CHD7: variants seen among roughly 807,000 people sequenced by gnomAD.
CHD7 encodes chromodomain helicase DNA binding protein 7, also known as ATP-dependent chromatin remodeler CHD7.
A neutral mutation model predicts 307.3 loss-of-function variants in CHD7; 24 were observed. That is an observed-to-expected ratio of 0.08 (90% CI 0.06 to 0.11). The LOEUF (loss-of-function observed/expected upper bound fraction) is 0.11. Ranked by LOEUF, CHD7 falls within the 10% of genes least tolerant of loss-of-function variation. The pLI is 1.00. For synonymous variants in CHD7, 1,363 were observed against 1,349.9 expected (o/e 1.01, Z -0.21); for missense variants, 3,106 against 3,727.1 (o/e 0.83, Z 4.34).
intron 1 of CHD7, among the ~76,000 whole-genome samples, chr8:60,722,115 C>T (rs1807937152): frequency 6.6e-6 from 1 of 152,172 alleles, no homozygotes; most frequent in Non-Finnish European, 1.5e-5. Context: ...TTGCTGGCTG[C>T]TTGGACATTG....
At chr8:60,807,844 A>C (rs989912751) in intron 6 of CHD7, among the ~76,000 whole-genome samples, 3 of 152,278 alleles carry the variant, frequency 2.0e-5, no homozygotes, top group Admixed American at 1.3e-4. Context: ...TATGGCATTC[A>C]GGAGAGCAGT....
chr8:60,759,863 GTCAT>G (rs149275093), intron 2 of CHD7, among the ~76,000 whole-genome samples: 5 of 152,132 alleles, frequency 3.3e-5, no homozygotes, highest in East Asian at 1.9e-4. Flanking sequence ...TCTTATTGAG[GTCAT>G]TCATTCATTC....
At chr8:60,779,901 G>A (rs1240415137) in intron 2 of CHD7, among the ~76,000 whole-genome samples, 1 of 152,122 alleles carries the variant, frequency 6.6e-6, no homozygotes, top group Non-Finnish European at 1.5e-5. Context: ...ATCACCTAAC[G>A]CTTAGGGCTG....
intron 3 of CHD7, among the ~76,000 whole-genome samples, chr8:60,785,781 C>T (rs1811460887): frequency 6.6e-6 from 1 of 151,616 alleles, no homozygotes; most frequent in Admixed American, 6.6e-5. Flanking sequence ...CTGTCAGGTA[C>T]ATGGGTAATA....
At chr8:60,728,909 A>G (rs905695714) in intron 1 of CHD7, among the ~76,000 whole-genome samples, 3 of 152,196 alleles carry the variant, frequency 2.0e-5, no homozygotes, top group Non-Finnish European at 4.4e-5. Flanking sequence ...AGATTATTTC[A>G]TCACCCAGGA....
At chr8:60,745,534 A>G (rs1269173168) in intron 2 of CHD7, among the ~76,000 whole-genome samples, 1 of 152,182 alleles carries the variant, frequency 6.6e-6, no homozygotes, top group African/African-American at 2.4e-5. Flanking sequence ...ATGTGTCATT[A>G]TAGGCAAACT....
chr8:60,730,636 G>A (rs1429807331), intron 1 of CHD7, among the ~76,000 whole-genome samples: 1 of 152,160 alleles, frequency 6.6e-6, no homozygotes, highest in East Asian at 1.9e-4. Flanking sequence ...CGAGGCGGGT[G>A]GATCACGAGG....
At position 60,795,123 on chromosome 8, in the gene CHD7, T is replaced by C; in HGVS notation, c.2234T>C (p.Val745Ala). Residue 745 changes from valine to alanine, a missense_variant, in exon 4 of 38, where the codon GTT (valine) becomes GCT (alanine). This residue lies in a region of CHD7 where 998 missense variants were observed against 1,004.5 expected (regional missense o/e 0.99). Coordinates refer to ENST00000423902, the MANE Select transcript of CHD7 (RefSeq NM_017780.4). ...CCTGAAGAAGATGAGGACCCAGGTG[T>C]TCAGGTAATACAATTATTGTGATTC... The part of the protein sequence containing the change: ...PPPEEDEDPG[V>A]QKRRSSRQVK... 1 of 1,611,960 alleles carries C rather than the reference T, an allele frequency of 6.2e-7. No individual in the cohort carries two copies. Among genetic ancestry groups the C allele is most frequent in the Non-Finnish European group, 8.5e-7 (1 of 1,179,220 alleles).
chr8:60,687,365 G>A (rs757374435), intron 1 of CHD7, among the ~76,000 whole-genome samples: 5 of 152,144 alleles, frequency 3.3e-5, no homozygotes, highest in Non-Finnish European at 5.9e-5. Context: ...AATTATTTAT[G>A]GTTAGAACTG....
Position 60,765,076 on chromosome 8 carries a change from G to A in CHD7, c.1666-15924G>A, listed in dbSNP as rs138491142. On this transcript the variant is annotated intron_variant, in intron 2 of 37. Coordinates refer to ENST00000423902, the MANE Select transcript of CHD7 (RefSeq NM_017780.4). ...AGCAGAGAGCACATGAGCAGCTGCAGTACCCAGACTGAGGAGATGTGACAT... is the reference window on the plus strand; with the variant it reads ...AGCAGAGAGCACATGAGCAGCTGCAATACCCAGACTGAGGAGATGTGACAT... 1.1e-4 allele frequency among the ~76,000 whole-genome samples: 17 copies of A among 152,294 alleles called. No individual in the cohort carries two copies. In the East Asian group the frequency reaches 2.9e-3, roughly 26 times the overall value.
intron 2 of CHD7, among the ~76,000 whole-genome samples, chr8:60,761,176 G>C (rs2150620275): frequency 6.6e-6 from 1 of 151,868 alleles, no homozygotes; most frequent in Non-Finnish European, 1.5e-5. Context: ...AAAATGATGA[G>C]TTCATGTCCT....
At chr8:60,681,599 G>C (rs1445792668) in intron 1 of CHD7, among the ~76,000 whole-genome samples, 1 of 152,180 alleles carries the variant, frequency 6.6e-6, no homozygotes. Context: ...GTAAAGGCTT[G>C]AGCAGCAAAT....
Position 60,862,279 on chromosome 8 carries a change from A to C in CHD7, c.7914A>C (p.Ile2638=), listed in dbSNP as rs1806033383. Residue 2638 remains isoleucine, a synonymous_variant, in exon 36 of 38, where the codon ATA becomes ATC. Transcript: ENST00000423902. ...GTCGAAACCCTAATAAATTGGATAT[A>C]AACACTTTGACAGGAGAAGAAAGGG... ...HRCRNPNKLD[I]NTLTGEERVP... 8 of 1,610,828 alleles carry C rather than the reference A, an allele frequency of 5.0e-6. No homozygotes were observed. The highest frequency in any genetic ancestry group is 6.8e-6 in the Non-Finnish European group (8 of 1,178,772).
chr8:60,818,881 TAATAA>T (rs1803883123), intron 8 of CHD7, among the ~76,000 whole-genome samples: 1 of 152,212 alleles, frequency 6.6e-6, no homozygotes, highest in Non-Finnish European at 1.5e-5. Context: ...GAGGTGCACA[TAATAA>T]AATGTGTCTT....
intron 2 of CHD7, among the ~76,000 whole-genome samples, chr8:60,779,251 C>T (rs912982388): frequency 1.4e-4 from 22 of 152,170 alleles, no homozygotes; most frequent in African/African-American, 4.8e-4. Context: ...ATATAGCTGA[C>T]GGTAGGGCCT....
chr8:60,721,513 G>A (rs553166401), intron 1 of CHD7, among the ~76,000 whole-genome samples: 1 of 152,364 alleles, frequency 6.6e-6, no homozygotes, highest in South Asian at 2.1e-4. Flanking sequence ...GACTGAGATT[G>A]TTGGAGAACC....
chr8:60,757,597 T>A (rs1195970420), intron 2 of CHD7, among the ~76,000 whole-genome samples: 2 of 152,176 alleles, frequency 1.3e-5, no homozygotes, highest in Non-Finnish European at 2.9e-5. Flanking sequence ...GTTTTTATAC[T>A]CCAGGGCAAC....
rs571072047 is a variant in CHD7, at chr8:60,791,512, C to T, written c.2097-3474C>T. The stretch of plus-strand genomic sequence containing the variant: ...TCATCCCCCCGACCTAGAACAGTGG[C>T]CCTTTTCATACGTTCCAGCTTCTGT... On this transcript the variant is annotated intron_variant, in intron 3 of 37. Coordinates refer to ENST00000423902, the MANE Select transcript of CHD7 (RefSeq NM_017780.4). Among the ~76,000 whole-genome samples the T allele has an allele frequency of 1.8e-4, 27 of 152,298 alleles. No individual in the cohort carries two copies. In the South Asian group the frequency reaches 2.5e-3, roughly 14 times the overall value.
chr8:60,785,880 A>G (rs755965641), intron 3 of CHD7, among the ~76,000 whole-genome samples: 3 of 150,748 alleles, frequency 2.0e-5, no homozygotes, highest in African/African-American at 7.3e-5. Flanking sequence ...CTCACATGCT[A>G]TGATTTACTC....
Sources: allele counts gnomAD v4.1 joint callset (sites outside exome capture counted in the v4.1 genomes callset), GRCh38; gene constraint gnomAD v4.1.1; regional missense constraint gnomAD v4.1.1; transcripts MANE v1.5; gene names NCBI Gene and HGNC (gene_info 2026-07-23, HGNC 2026-07-21).